Variants in STAM observed in about 807,000 individuals in gnomAD.
STAM encodes the protein signal transducing adaptor molecule.
In STAM, 16 loss-of-function variants were observed where a neutral mutation model predicts 63.4. The ratio of observed to expected loss-of-function variants is 0.25; its 90% CI spans 0.17 to 0.38. The LOEUF (loss-of-function observed/expected upper bound fraction) is 0.38, where lower values mean the gene tolerates loss of function less well. Among genes scored for constraint, STAM ranks in the 10% least tolerant of loss-of-function variants. The pLI, the probability that STAM is intolerant of heterozygous loss-of-function variation, is 1.00. For missense variants in STAM, 636 were observed against 657.1 expected (o/e 0.97, Z 0.35); for synonymous variants, 238 against 223.9 (o/e 1.06, Z -0.56).
intron 2 of STAM, among the ~76,000 whole-genome samples, chr10:17,675,706 C>T (rs1259113725): frequency 6.6e-6 from 1 of 152,070 alleles, no homozygotes; most frequent in Non-Finnish European, 1.5e-5. Context: ...TACTTTATTC[C>T]TAAAGCCTTG....
At chr10:17,683,615 T>G (rs1435623075) in intron 2 of STAM, among the ~76,000 whole-genome samples, 1 of 152,196 alleles carries the variant, frequency 6.6e-6, no homozygotes, top group Admixed American at 6.5e-5. Flanking sequence ...TTCCATCCAC[T>G]TTTTAATTTT....
chr10:17,644,794 T>C (rs781655655), intron 1 of STAM, among the ~76,000 whole-genome samples: 1 of 152,220 alleles, frequency 6.6e-6, no homozygotes, highest in Admixed American at 6.5e-5. Context: ...CGTCTGGAAC[T>C]GGCAGAATGT....
Position 17,676,582 on chromosome 10 carries a change from A to G in STAM, c.126-8093A>G, listed in dbSNP as rs540352836. ...CGAACTATATGACCCAGATCTATTC[A>G]TAAAAAGATGATTTTGTGGATGAAC... On this transcript the variant is annotated intron_variant, in intron 2 of 13. Transcript: ENST00000377524. Among the ~76,000 whole-genome samples the G allele has an allele frequency of 5.3e-5, 8 of 152,306 alleles. 1 individual carries two copies. The highest frequency in any genetic ancestry group is 1.9e-4 in the African/African-American group (8 of 41,574).
rs369035726 is a variant in STAM at position 17,701,416 on chromosome 10, A to G, written c.912+1137A>G. ...AAGGATTTTTGAAGTGTCACATTGT[A>G]TAGATCAGGAGTTGGCAAACTCTTA... is the stretch of plus-strand genomic sequence containing the variant. On this transcript the variant is annotated intron_variant, in intron 9 of 13. Transcript: ENST00000377524. 8.5e-4 allele frequency among the ~76,000 whole-genome samples: 129 copies of G among 152,324 alleles called. 2 individuals carry two copies. Among genetic ancestry groups the G allele is most frequent in the Admixed American group, 4.1e-3 (63 of 15,308 alleles).
intron 13 of STAM, among the ~76,000 whole-genome samples, chr10:17,713,079 C>T (rs1462477678): frequency 6.6e-6 from 1 of 152,226 alleles, no homozygotes; most frequent in Non-Finnish European, 1.5e-5. Context: ...CATTCTCCTC[C>T]TCCTCCATTT....
chr10:17,693,350 G>C (rs781988189), intron 6 of STAM, 38 bp downstream of exon 6: 1 of 1,488,940 alleles, frequency 6.7e-7, no homozygotes, highest in Admixed American at 2.0e-5. Flanking sequence ...AATAACATAA[G>C]CCTTTATTTT....
intron 4 of STAM, among the ~76,000 whole-genome samples, 173 bp downstream of exon 4, chr10:17,685,100 G>A (rs1835242405): frequency 6.6e-6 from 1 of 152,078 alleles, no homozygotes; most frequent in Admixed American, 6.5e-5. Flanking sequence ...GCGGATTCAT[G>A]TAACTTTGAG....
intron 2 of STAM, among the ~76,000 whole-genome samples, chr10:17,671,246 CT>C (rs1834628977): frequency 6.6e-6 from 1 of 152,062 alleles, no homozygotes; most frequent in East Asian, 1.9e-4. Flanking sequence ...CACAGTAAAG[CT>C]TTTTTTGTAG....
At chr10:17,701,438 C>G (rs1835990298) in intron 9 of STAM, among the ~76,000 whole-genome samples, 1 of 152,114 alleles carries the variant, frequency 6.6e-6, no homozygotes. Context: ...TTGGCAAACT[C>G]TTAGGCCAAA....
intron 1 of STAM, among the ~76,000 whole-genome samples, chr10:17,658,820 A>G (rs927022936): frequency 2.0e-5 from 3 of 152,032 alleles, no homozygotes; most frequent in African/African-American, 7.2e-5. Flanking sequence ...ATGTGTTTTT[A>G]TGTCTAAAAT....
intron 1 of STAM, among the ~76,000 whole-genome samples, chr10:17,654,154 A>G (rs782001833): frequency 3.3e-5 from 5 of 152,124 alleles, no homozygotes; most frequent in African/African-American, 4.8e-5. Flanking sequence ...TTAGCAGTGC[A>G]TTGTAGAGGG....
intron 13 of STAM, among the ~76,000 whole-genome samples, chr10:17,710,343 CTG>C (rs1470171724): frequency 6.6e-6 from 1 of 152,192 alleles, no homozygotes; most frequent in Non-Finnish European, 1.5e-5. Context: ...CTGCTGTTCT[CTG>C]TGTGTGACTC....
intron 1 of STAM, 29 bp downstream of exon 1, chr10:17,644,408 T>G (rs782796868): frequency 6.2e-7 from 1 of 1,613,770 alleles, no homozygotes; most frequent in Non-Finnish European, 8.5e-7. Flanking sequence ...CCCTGCCCAT[T>G]CCTCACCGGA....
At chr10:17,680,835 T>C (rs61842304) in intron 2 of STAM, among the ~76,000 whole-genome samples, 6,923 of 152,310 alleles carry the variant, frequency 0.045, 200 homozygotes, top group Middle Eastern at 0.14. Context: ...TCCATGTATG[T>C]ATGTACCACA....
chr10:17,712,796 TTTTC>T (rs1458534923), intron 13 of STAM, among the ~76,000 whole-genome samples: 3 of 152,096 alleles, frequency 2.0e-5, no homozygotes, highest in Non-Finnish European at 4.4e-5. Flanking sequence ...TGAAGAATTT[TTTTC>T]TTTCTTTTTT....
At chr10:17,684,236 T>G (rs1249759913) in intron 2 of STAM, among the ~76,000 whole-genome samples, 2 of 152,190 alleles carry the variant, frequency 1.3e-5, no homozygotes, top group African/African-American at 4.8e-5. Flanking sequence ...GCTTATCTAA[T>G]TCATTTTCCT....
intron 2 of STAM, among the ~76,000 whole-genome samples, chr10:17,672,735 C>G (rs1466913762): frequency 6.6e-6 from 1 of 152,098 alleles, no homozygotes; most frequent in Non-Finnish European, 1.5e-5. Context: ...TAGTTAAATC[C>G]CTAATCAAAG....
At chr10:17,658,739 G>A (rs909331136) in intron 1 of STAM, among the ~76,000 whole-genome samples, 1 of 151,992 alleles carries the variant, frequency 6.6e-6, no homozygotes, top group Admixed American at 6.6e-5. Context: ...TGCCCACTTC[G>A]GCCTCCCAAA....
intron 2 of STAM, among the ~76,000 whole-genome samples, chr10:17,671,411 G>A (rs1184635288): frequency 6.6e-6 from 1 of 152,220 alleles, no homozygotes; most frequent in Non-Finnish European, 1.5e-5. Context: ...TAGGAGTTTT[G>A]TATTAACATT....
Sources: gnomAD v4.1 joint callset for allele counts (sites outside exome capture counted in the v4.1 genomes callset) on GRCh38, gnomAD v4.1.1 for gene constraint, MANE v1.5 for transcripts, NCBI Gene and HGNC (gene_info 2026-07-23, HGNC 2026-07-21) for gene names.